NUP35: variants seen among roughly 807,000 people sequenced by gnomAD.
The protein encoded by NUP35 is nucleoporin NUP35.
A neutral mutation model predicts 41.5 loss-of-function variants in NUP35; 25 were observed. The ratio of observed to expected loss-of-function variants is 0.60; its 90% CI spans 0.44 to 0.84. The LOEUF (loss-of-function observed/expected upper bound fraction) is 0.84, where lower values mean the gene tolerates loss of function less well. NUP35 is among the 40% of genes least tolerant of loss of function. The pLI, the probability that NUP35 is intolerant of heterozygous loss-of-function variation, is 0.00. For synonymous variants in NUP35, 149 were observed against 130.7 expected, an observed-to-expected ratio of 1.14 and a Z score of -0.96; for missense variants, 396 against 396.6, an observed-to-expected ratio of 1.00 and a Z score of 0.01.
At chr2:183,134,909 C>G (rs927418047) in intron 4 of NUP35, among the ~76,000 whole-genome samples, 5 of 151,992 alleles carry the variant, frequency 3.3e-5, no homozygotes, top group Non-Finnish European at 7.4e-5. Context: ...AAGGCTTGAG[C>G]CACCGCGCCC....
chr2:183,149,659 ATC>A (rs1685395756), intron 4 of NUP35, among the ~76,000 whole-genome samples: 1 of 152,226 alleles, frequency 6.6e-6, no homozygotes, highest in Admixed American at 6.5e-5. Context: ...GGAGCCAAGA[ATC>A]TCCAGACCAC....
At position 183,161,233 on chromosome 2, in the gene NUP35, A is replaced by G. The variant is rs960518640; in HGVS notation, c.*102A>G. 1.0e-5 allele frequency: 7 copies of G among 695,880 alleles called. No homozygotes were observed. The Admixed American group carries it at 1.3e-4, about 13-fold the overall frequency. 43.1% of individuals were successfully genotyped at this position (695,880 alleles called of 1,614,324 possible). On this transcript the variant is annotated 3_prime_UTR_variant, in exon 9 of 9. Coordinates refer to ENST00000295119, the MANE Select transcript of NUP35 (RefSeq NM_138285.5). ...ACTGTTCCTGCAGTATTGGATAGCTATCTCATACTTCTTTTAGAAAGAAGC... is the reference window on the plus strand; with the variant it reads ...ACTGTTCCTGCAGTATTGGATAGCTGTCTCATACTTCTTTTAGAAAGAAGC...
intron 4 of NUP35, among the ~76,000 whole-genome samples, chr2:183,139,185 A>C (rs1429177085): frequency 6.6e-6 from 1 of 150,830 alleles, no homozygotes; most frequent in African/African-American, 2.4e-5. Flanking sequence ...ACTTTACTTA[A>C]CATTATGGTT....
intron 4 of NUP35, among the ~76,000 whole-genome samples, chr2:183,136,175 C>T (rs1684868595): frequency 6.6e-6 from 1 of 152,210 alleles, no homozygotes; most frequent in South Asian, 2.1e-4. Context: ...ATTTCTAAAG[C>T]CATTTCCACA....
upstream of NUP35, chr2:183,124,283 G>A (rs1257092461): frequency 5.6e-6 from 8 of 1,422,654 alleles, no homozygotes; most frequent in Non-Finnish European, 7.4e-6. Flanking sequence ...GAAATTCTCA[G>A]CGCAAAGACT....
chr2:183,132,183 T>G (rs1684718352), intron 3 of NUP35, among the ~76,000 whole-genome samples: 1 of 151,986 alleles, frequency 6.6e-6, no homozygotes, highest in Admixed American at 6.6e-5. Context: ...CCACCATGCC[T>G]GGCTAACTTT....
At chr2:183,139,793 C>T (rs1419211608) in intron 4 of NUP35, among the ~76,000 whole-genome samples, 1 of 152,206 alleles carries the variant, frequency 6.6e-6, no homozygotes, top group African/African-American at 2.4e-5. Context: ...TTAGAGTCTG[C>T]AGCAGGCATG....
chr2:183,117,749 A>G (rs1700008377), intron 1 of NUP35: 1 of 152,168 alleles, frequency 6.6e-6, no homozygotes, highest in Non-Finnish European at 1.5e-5. Context: ...AACACTGCAT[A>G]TTGTTGGACA....
intron 4 of NUP35, among the ~76,000 whole-genome samples, chr2:183,147,188 A>G (rs1370221944): frequency 1.3e-5 from 2 of 152,086 alleles, no homozygotes; most frequent in Non-Finnish European, 2.9e-5. Context: ...TTTTGTGTGC[A>G]GGAAGTCATT....
intron 1 of NUP35, among the ~76,000 whole-genome samples, chr2:183,117,779 A>G (rs184732220): frequency 1.3e-5 from 2 of 152,336 alleles, no homozygotes; most frequent in Admixed American, 6.5e-5. Flanking sequence ...AGGTTGATGA[A>G]TATTCAGTAT....
intron 5 of NUP35, among the ~76,000 whole-genome samples, chr2:183,154,136 G>A (rs1685567613): frequency 6.6e-6 from 1 of 152,156 alleles, no homozygotes; most frequent in South Asian, 2.1e-4. Flanking sequence ...CACAGCACAG[G>A]GACCCTGGGC....
upstream of NUP35, chr2:183,123,839 A>G (rs563603023): frequency 3.0e-6 from 3 of 984,832 alleles, no homozygotes; most frequent in East Asian, 1.1e-4. Flanking sequence ...GCGTATAATT[A>G]TCTTCCATTA....
intron 4 of NUP35, among the ~76,000 whole-genome samples, chr2:183,139,099 GC>G: frequency 6.6e-6 from 1 of 151,928 alleles, no homozygotes; most frequent in East Asian, 1.9e-4. Context: ...TTAATCCTGT[GC>G]TTTTCCACTT....
At chr2:183,130,830 G>C (rs1473548494) in intron 3 of NUP35, among the ~76,000 whole-genome samples, 2 of 152,120 alleles carry the variant, frequency 1.3e-5, no homozygotes, top group African/African-American at 2.4e-5. Context: ...TATACATGTA[G>C]AATGTGACTA....
At chr2:183,135,271 G>A (rs1050308554) in intron 4 of NUP35, among the ~76,000 whole-genome samples, 6 of 152,136 alleles carry the variant, frequency 3.9e-5, no homozygotes, top group African/African-American at 1.4e-4. Flanking sequence ...CTGATAGTTA[G>A]GGGGCAAGTA....
At chr2:183,148,836 T>G (rs1244750081) in intron 4 of NUP35, among the ~76,000 whole-genome samples, 1 of 152,092 alleles carries the variant, frequency 6.6e-6, no homozygotes, top group Admixed American at 6.5e-5. Context: ...TTTTTTGTAT[T>G]TTTAGTAGAG....
chr2:183,159,823 C>T, intron 8 of NUP35, 171 bp downstream of exon 8: 2 of 494,472 alleles, frequency 4.0e-6, no homozygotes, highest in South Asian at 4.2e-5. Context: ...AACATCTTGG[C>T]CAATTGGAAA....
At chr2:183,154,975 C>T (rs960389365) in intron 5 of NUP35, among the ~76,000 whole-genome samples, 10 of 152,096 alleles carry the variant, frequency 6.6e-5, no homozygotes, top group African/African-American at 1.2e-4. Context: ...GAAGCAAAAG[C>T]GGAAGCCCCT....
At chr2:183,151,100 T>C (rs1347047963) in intron 4 of NUP35, among the ~76,000 whole-genome samples, 1 of 152,222 alleles carries the variant, frequency 6.6e-6, no homozygotes, top group Admixed American at 6.5e-5. Flanking sequence ...ACTGTATAGC[T>C]GAGGCCAAGG....
Sources: allele counts gnomAD v4.1 joint callset (sites outside exome capture counted in the v4.1 genomes callset), GRCh38; gene constraint gnomAD v4.1.1; transcripts MANE v1.5; gene names NCBI Gene and HGNC (gene_info 2026-07-23, HGNC 2026-07-21).